Variants in SMIM14 observed in about 807,000 individuals in gnomAD.
SMIM14 encodes the protein small integral membrane protein 14.
A neutral mutation model predicts 12.6 loss-of-function variants in SMIM14; 5 were observed. The ratio of observed to expected loss-of-function variants is 0.40; its 90% CI spans 0.21 to 0.83. The LOEUF (loss-of-function observed/expected upper bound fraction) is 0.83. Among genes scored for constraint, SMIM14 ranks in the 40% least tolerant of loss-of-function variants. The pLI, the probability that SMIM14 is intolerant of heterozygous loss-of-function variation, is 0.37. For synonymous variants in SMIM14, 30 were observed against 40.1 expected (o/e 0.75, Z 0.95); for missense variants, 86 against 119.1 (o/e 0.72, Z 1.29).
chr4:39,571,728 T>C (rs1436885844), intron 3 of SMIM14, among the ~76,000 whole-genome samples: 3 of 152,108 alleles, frequency 2.0e-5, no homozygotes, highest in Admixed American at 1.3e-4. Context: ...GTTACAGACT[T>C]ATTTGCCAAG....
At chr4:39,613,961 T>C (rs1433597643) in intron 1 of SMIM14, among the ~76,000 whole-genome samples, 2 of 151,826 alleles carry the variant, frequency 1.3e-5, no homozygotes, top group Non-Finnish European at 2.9e-5. Flanking sequence ...GAGGCCGAGG[T>C]GGGTAGATCA....
chr4:39,580,825 CCT>C lies in SMIM14; in HGVS notation c.76-8364_76-8363del, dbSNP rs750075655. Among the ~76,000 whole-genome samples, 84 of 151,958 alleles carry C rather than the reference CCT, an allele frequency of 5.5e-4. 1 individual carries two copies. Among genetic ancestry groups the C allele is most frequent in the South Asian group, 8.3e-4 (4 of 4,816 alleles). ...CAGGTGTGAGCTACCGCACCCAGCC[CCT>C]GTCTCTGTTTCTAAGGCAAAGTTTC... On this transcript the variant is annotated intron_variant, in intron 2 of 4. Coordinates refer to ENST00000295958, the MANE Select transcript of SMIM14 (RefSeq NM_174921.3).
chr4:39,634,021 C>T (rs1233448922), intron 1 of SMIM14, among the ~76,000 whole-genome samples: 1 of 152,136 alleles, frequency 6.6e-6, no homozygotes, highest in Non-Finnish European at 1.5e-5. Flanking sequence ...CTCCACCTTC[C>T]GAGTTCAAGT....
At chr4:39,556,154 C>A (rs569170470) in intron 4 of SMIM14, among the ~76,000 whole-genome samples, 81 of 148,010 alleles carry the variant, frequency 5.5e-4, no homozygotes, top group African/African-American at 2.0e-3. Flanking sequence ...CACAGCAAGA[C>A]CCTGTCTGAA....
chr4:39,612,554 G>A (rs1715079292), intron 1 of SMIM14, among the ~76,000 whole-genome samples: 2 of 152,036 alleles, frequency 1.3e-5, no homozygotes, highest in Non-Finnish European at 2.9e-5. Context: ...ATCCCCCCAG[G>A]CCAATACTGT....
In SMIM14 at chr4:39,571,686, G is replaced by A. The variant is rs147449279; in HGVS notation, c.124+729C>T. On this transcript the variant is annotated intron_variant, in intron 3 of 4. Coordinates refer to ENST00000295958, the MANE Select transcript of SMIM14 (RefSeq NM_174921.3). ...GTGAATGGTTTGCGCAAGCAGCTTT[G>A]ATGTCCCAGTTACACCTGCCCACAG... Among the ~76,000 whole-genome samples the A allele has an allele frequency of 1.1e-3, 171 of 152,220 alleles. 1 individual carries two copies. Among genetic ancestry groups the A allele is most frequent in the African/African-American group, 3.9e-3 (163 of 41,558 alleles).
Position 39,569,532 on chromosome 4 carries a change from A to C in SMIM14, c.124+2883T>G, listed in dbSNP as rs1712772004. Among the ~76,000 whole-genome samples, 3 of 152,336 alleles carry C rather than the reference A, an allele frequency of 2.0e-5. No individual in the cohort carries two copies. In the South Asian group the frequency reaches 6.2e-4, roughly 32 times the overall value. ...GTAAATAGCCTTAAAATGTGTGAAG[A>C]AAACCAGAACGTATCACTCCAAAAT... On this transcript the variant is annotated intron_variant, in intron 3 of 4. Coordinates refer to ENST00000295958, the MANE Select transcript of SMIM14 (RefSeq NM_174921.3).
At chr4:39,616,911 A>C (rs1715247931) in intron 1 of SMIM14, among the ~76,000 whole-genome samples, 1 of 152,094 alleles carries the variant, frequency 6.6e-6, no homozygotes. Context: ...CTCAGTGTGA[A>C]ATTCCTGTGA....
chr4:39,581,718 C>G (rs1407952310), intron 2 of SMIM14, among the ~76,000 whole-genome samples: 3 of 151,216 alleles, frequency 2.0e-5, no homozygotes, highest in Admixed American at 2.0e-4. Context: ...GCACAACCAC[C>G]ACACCTGGCT....
At chr4:39,556,838 A>T (rs1578308460) in intron 3 of SMIM14, among the ~76,000 whole-genome samples, 1 of 152,232 alleles carries the variant, frequency 6.6e-6, no homozygotes, top group Non-Finnish European at 1.5e-5. Context: ...AACAGGCTGG[A>T]GTGCGGTGGC....
chr4:39,581,571 A>G (rs1713497624), intron 2 of SMIM14, among the ~76,000 whole-genome samples: 1 of 138,306 alleles, frequency 7.2e-6, no homozygotes, highest in Non-Finnish European at 1.5e-5. Flanking sequence ...GCTGGAGTGC[A>G]GTGGTGTGAT....
chr4:39,569,795 G>T (rs969614273), intron 3 of SMIM14, among the ~76,000 whole-genome samples: 10 of 152,140 alleles, frequency 6.6e-5, no homozygotes, highest in African/African-American at 2.2e-4. Context: ...CAATTAGGAA[G>T]TAGCAAACAG....
chr4:39,614,576 C>T (rs1715152764), intron 1 of SMIM14, among the ~76,000 whole-genome samples: 1 of 152,130 alleles, frequency 6.6e-6, no homozygotes, highest in Non-Finnish European at 1.5e-5. Flanking sequence ...CCTGCCTCAA[C>T]CTCCCAAAGT....
chr4:39,638,601 G>T (rs1458205673), intron 1 of SMIM14, 138 bp downstream of exon 1: 1 of 978,184 alleles, frequency 1.0e-6, no homozygotes, highest in Non-Finnish European at 1.2e-6. Context: ...GCCCGGCCGA[G>T]GAAACGCCAA....
intron 1 of SMIM14, among the ~76,000 whole-genome samples, chr4:39,621,847 C>CA (rs1553866825): frequency 7.1e-6 from 1 of 141,836 alleles, no homozygotes; most frequent in Non-Finnish European, 1.5e-5. Context: ...TCATGCTTGG[C>CA]TTTTTTTTTT....
chr4:39,570,037 T>C lies in SMIM14; in HGVS notation c.124+2378A>G, dbSNP rs183387000. Among the ~76,000 whole-genome samples, 72 of 152,358 alleles carry C rather than the reference T, an allele frequency of 4.7e-4. 2 individuals carry two copies. Among genetic ancestry groups the C allele is most frequent in the African/African-American group, 1.7e-3 (72 of 41,588 alleles). The stretch of plus-strand genomic sequence containing the variant: ...TTTTCCACAAATGTATTGTTCTTTG[T>C]TGAAGATGCTACATAAGCCAGAGTT... On this transcript the variant is annotated intron_variant, in intron 3 of 4. Transcript: ENST00000295958.
At chr4:39,599,294 G>A (rs964532273) in intron 2 of SMIM14, among the ~76,000 whole-genome samples, 2 of 152,194 alleles carry the variant, frequency 1.3e-5, no homozygotes, top group African/African-American at 2.4e-5. Context: ...GAGTAGGGTG[G>A]AAGGGGATAG....
At position 39,547,411 on chromosome 4, in the gene SMIM14, A is replaced by ATTTG. The variant is rs1747382328; in HGVS notation, c.*4711_*4714dup. On this transcript the variant is annotated 3_prime_UTR_variant, in exon 5 of 5. Transcript: ENST00000295958. Reference sequence around the variant, plus strand: ...ACAGACCCTGGATGGCACAGACATAATTTGTTTGGCGTGATTTAAACATAT... The same window carrying ATTTG: ...ACAGACCCTGGATGGCACAGACATAATTTGTTTGTTTGGCGTGATTTAAACATAT... 6.6e-6 allele frequency: 1 copy of ATTTG among 152,226 alleles called. No individual in the cohort carries two copies. 9.4% of individuals were successfully genotyped at this position (152,226 alleles called of 1,614,324 possible).
chr4:39,579,809 A>G (rs901804666), intron 2 of SMIM14, among the ~76,000 whole-genome samples: 2 of 145,512 alleles, frequency 1.4e-5, no homozygotes, highest in African/African-American at 2.6e-5. Context: ...ATGCCACTGT[A>G]CTCCAGCCTG....
Sources: allele counts gnomAD v4.1 joint callset (sites outside exome capture counted in the v4.1 genomes callset), GRCh38; gene constraint gnomAD v4.1.1; transcripts MANE v1.5; gene names NCBI Gene and HGNC (gene_info 2026-07-23, HGNC 2026-07-21).